CLPTM1L: variants seen among roughly 807,000 people sequenced by gnomAD.
CLPTM1L encodes the protein lipid scramblase CLPTM1L.
In CLPTM1L, 38 loss-of-function variants were observed where a neutral mutation model predicts 70.9. That is an observed-to-expected ratio of 0.54 (90% CI 0.41 to 0.70). The LOEUF (loss-of-function observed/expected upper bound fraction) is 0.70, where lower values mean the gene tolerates loss of function less well. Among genes scored for constraint, CLPTM1L ranks in the 30% least tolerant of loss-of-function variants. The pLI, the probability that CLPTM1L is intolerant of heterozygous loss-of-function variation, is 0.00. For missense variants in CLPTM1L, 652 were observed against 705.9 expected, an observed-to-expected ratio of 0.92 and a Z score of 0.87; for synonymous variants, 339 against 299.9, an observed-to-expected ratio of 1.13 and a Z score of -1.35.
intron 2 of CLPTM1L, 55 bp from the exon 3 acceptor site, chr5:1,341,915 A>T: frequency 1.4e-6 from 2 of 1,410,796 alleles, no homozygotes; most frequent in Non-Finnish European, 1.9e-6. Flanking sequence ...GGTCTCTAGA[A>T]CCTATTCAAA....
chr5:1,325,085 C>A lies in CLPTM1L; in HGVS notation c.1147-272G>T. On this transcript the variant is annotated intron_variant, in intron 10 of 16. Coordinates refer to ENST00000320895, the MANE Select transcript of CLPTM1L (RefSeq NM_030782.5). ...TGCTCAGGTGGCTCAGTTTTCAGTG[C>A]CACCGCTTCAGTGAGAACACTGCAG... The A allele has an allele frequency of 5.3e-6, 3 of 561,886 alleles. No individual in the cohort carries two copies. The South Asian group carries it at 6.6e-5, about 12-fold the overall frequency. The allele number at this position is 561,886 out of a possible 1,614,324, so 34.8% of individuals were successfully genotyped here. A position where few individuals can be genotyped will look rare whatever the true frequency, so the allele number is the denominator to read the frequency against.
intron 15 of CLPTM1L, 23 bp from the exon 16 acceptor site, chr5:1,320,754 GGTGAACCC>G: frequency 7.2e-7 from 1 of 1,394,268 alleles, no homozygotes; most frequent in Non-Finnish European, 9.8e-7. Flanking sequence ...ACGGGAGGAG[GGTGAACCC>G]CAGTTGCTGG....
chr5:1,324,739 T>C, intron 11 of CLPTM1L, 24 bp downstream of exon 11: 1 of 1,611,228 alleles, frequency 6.2e-7, no homozygotes, highest in South Asian at 1.1e-5. Flanking sequence ...GGCATGCACG[T>C]GCCCTGAATC....
Position 1,320,671 on chromosome 5 carries a change from G to A in CLPTM1L, c.1477C>T (p.Arg493Trp), listed in dbSNP as rs745665981. ...ACGTCGTCCCGGAAGCAGGCCAGCC[G>A]GTGAGACGTGGGCATGGTGATGATG... is the stretch of plus-strand genomic sequence containing the variant. ...AFIITMPTSH[R>W]LACFRDDVVF... is the part of the protein sequence containing the mutation. The change falls in exon 16 of 17, where the codon CGG (arginine) becomes TGG (tryptophan). Residue 493 changes from arginine to tryptophan, a missense_variant. Around this residue, in one of 3 missense-constraint regions of CLPTM1L, gnomAD observed 240 missense variants for 295.0 expected, o/e 0.81. Transcript: ENST00000320895. 3.9e-6 allele frequency: 6 copies of A among 1,548,128 alleles called. No individual in the cohort carries two copies. Among genetic ancestry groups the A allele is most frequent in the South Asian group, 2.4e-5 (2 of 83,790 alleles).
chr5:1,324,702 C>T (rs1752405920), intron 11 of CLPTM1L, 61 bp downstream of exon 11: 1 of 1,446,846 alleles, frequency 6.9e-7, no homozygotes, highest in South Asian at 1.1e-5. Context: ...AGTAAAAGAC[C>T]CGTCTTTGAG....
chr5:1,332,122 T>C (rs964477459), intron 7 of CLPTM1L: 1 of 532,270 alleles, frequency 1.9e-6, no homozygotes, highest in South Asian at 2.4e-5. Flanking sequence ...TACCTTTGAC[T>C]TGAACTGCTG....
At chr5:1,322,969 A>AGCT in intron 12 of CLPTM1L, 58 bp from the exon 13 acceptor site, 1 of 1,473,696 alleles carries the variant, frequency 6.8e-7, no homozygotes. Flanking sequence ...ATCTGTATTA[A>AGCT]ATTGATGAAA....
intron 9 of CLPTM1L, among the ~76,000 whole-genome samples, chr5:1,326,751 C>T (rs1368425267): frequency 6.6e-6 from 1 of 151,382 alleles, no homozygotes; most frequent in East Asian, 2.0e-4. Flanking sequence ...CCAGCTCCTC[C>T]TCTACAGGGA....
At position 1,342,010 on chromosome 5, in the gene CLPTM1L, G is replaced by A. The variant is rs1006406013; in HGVS notation, c.264-150C>T. On this transcript the variant is annotated intron_variant, in intron 2 of 16. Coordinates refer to ENST00000320895, the MANE Select transcript of CLPTM1L (RefSeq NM_030782.5). The surrounding 1 kb of genome is among the most constrained non-coding windows in gnomAD (Gnocchi z 4.3). ...CCACCTGCCCAGGGCTTTACGAGTC[G>A]TGTGTGTGTGTGTGTGTGTGTGTGT... 2.6e-5 allele frequency: 7 copies of A among 270,670 alleles called. No homozygotes were observed. In the Admixed American group the frequency reaches 4.7e-4, roughly 18 times the overall value. 16.8% of individuals were successfully genotyped at this position (270,670 alleles called of 1,614,324 possible).
At chr5:1,344,536 G>C (rs1424531029) in intron 1 of CLPTM1L, 85 bp from the exon 2 acceptor site, 4 of 1,479,330 alleles carry the variant, frequency 2.7e-6, no homozygotes, top group South Asian at 1.2e-5. Flanking sequence ...GAGGGCGGAA[G>C]ACCTGGCCGC....
intron 16 of CLPTM1L, among the ~76,000 whole-genome samples, chr5:1,319,553 G>A (rs1752032396): frequency 6.6e-6 from 1 of 152,218 alleles, no homozygotes. Context: ...GGAGCACTGC[G>A]CTCCCCAAGG....
chr5:1,324,299 C>T (rs1038827603), intron 11 of CLPTM1L, among the ~76,000 whole-genome samples: 14 of 152,260 alleles, frequency 9.2e-5, no homozygotes, highest in Non-Finnish European at 1.5e-4. Flanking sequence ...CTAAAATCAT[C>T]TGTGCAGAAA....
At chr5:1,333,587 T>TAC (rs1753310518) in intron 7 of CLPTM1L, among the ~76,000 whole-genome samples, 1 of 47,420 alleles carries the variant, frequency 2.1e-5, no homozygotes, top group African/African-American at 5.0e-5. Flanking sequence ...GACTACTGTA[T>TAC]ACACACGGGA....
Position 1,323,876 on chromosome 5 carries a change from G to A in CLPTM1L, c.1198-7C>T, listed in dbSNP as rs1169284725. 7.4e-6 allele frequency: 12 copies of A among 1,611,372 alleles called. No homozygotes were observed. The highest frequency in any genetic ancestry group is 1.0e-5 in the Non-Finnish European group (12 of 1,178,038). ...ATGACAAGTACTTCATGGCCTGCAG[G>A]GAACAAAGATGGCTTCCAGTTAGAG... is the stretch of plus-strand genomic sequence containing the variant. On this transcript the variant is annotated splice_polypyrimidine_tract_variant and splice_region_variant and intron_variant, in intron 11 of 16. Transcript: ENST00000320895.
chr5:1,340,655 T>C (rs949452114), intron 3 of CLPTM1L, among the ~76,000 whole-genome samples: 3 of 152,150 alleles, frequency 2.0e-5, no homozygotes, highest in African/African-American at 7.2e-5. Context: ...AGGAGACAGA[T>C]GCAAACTGGG....
intron 8 of CLPTM1L, chr5:1,331,502 T>G: frequency 2.0e-6 from 1 of 501,234 alleles, no homozygotes; most frequent in Non-Finnish European, 3.6e-6. Flanking sequence ...GAGAGGTCCA[T>G]GCATCTCACT....
At chr5:1,330,860 C>G (rs1246565242) in intron 8 of CLPTM1L, 1 of 157,690 alleles carries the variant, frequency 6.3e-6, no homozygotes, top group Non-Finnish European at 1.4e-5. Context: ...AGCCACAGGA[C>G]AAACAGTGGT....
intron 7 of CLPTM1L, 81 bp from the exon 8 acceptor site, chr5:1,331,964 T>C (rs1753122142): frequency 3.4e-6 from 4 of 1,164,414 alleles, no homozygotes. Context: ...GCTTCGTGTG[T>C]GACCGTGAGA....
intron 15 of CLPTM1L, 86 bp downstream of exon 15, chr5:1,321,549 G>A: frequency 8.6e-7 from 1 of 1,165,310 alleles, no homozygotes; most frequent in Non-Finnish European, 1.3e-6. Flanking sequence ...GGGCAGAGAT[G>A]GCCCCAGTAA....
Sources: gnomAD v4.1 joint callset for allele counts (sites outside exome capture counted in the v4.1 genomes callset) on GRCh38, gnomAD v4.1.1 for gene constraint, gnomAD v4.1.1 regional missense constraint, Gnocchi (gnomAD v3.1) non-coding constraint, MANE v1.5 for transcripts, NCBI Gene and HGNC (gene_info 2026-07-23, HGNC 2026-07-21) for gene names.